The following RIT2 variants were observed in gnomAD, a reference collection of about 807,000 sequenced individuals.
RIT2 encodes Ras like without CAAX 2, also known as GTP-binding protein Rit2.
In RIT2, 24 loss-of-function variants were observed where a neutral mutation model predicts 23.7. That is an observed-to-expected ratio of 1.01 (90% CI 0.73 to 1.43). RIT2 has a LOEUF of 1.43. Among genes scored for constraint, RIT2 ranks in the 40% most tolerant of loss-of-function variants. The pLI, the probability that RIT2 is intolerant of heterozygous loss-of-function variation, is 0.00. For missense variants in RIT2, 236 were observed against 266.9 expected, an observed-to-expected ratio of 0.88 and a Z score of 0.81; for synonymous variants, 107 against 91.1, an observed-to-expected ratio of 1.17 and a Z score of -0.99.
intron 1 of RIT2, among the ~76,000 whole-genome samples, chr18:43,091,585 T>C (rs1226881731): frequency 6.6e-6 from 1 of 152,100 alleles, no homozygotes; most frequent in Non-Finnish European, 1.5e-5. Flanking sequence ...TGGCTGGGCC[T>C]GCAAGGCTGA....
intron 1 of RIT2, among the ~76,000 whole-genome samples, chr18:43,104,814 C>T (rs910574272): frequency 2.6e-5 from 4 of 152,080 alleles, no homozygotes; most frequent in African/African-American, 9.7e-5. Context: ...CTGATTTCTT[C>T]AATTAAACAA....
intron 4 of RIT2, among the ~76,000 whole-genome samples, chr18:42,761,479 T>C (rs1913301596): frequency 2.6e-5 from 4 of 152,188 alleles, no homozygotes; most frequent in Non-Finnish European, 1.5e-5. Flanking sequence ...TCTCTATGTC[T>C]CTTACAAGTA....
intron 4 of RIT2, among the ~76,000 whole-genome samples, chr18:42,912,641 T>C (rs576526799): frequency 1.3e-5 from 2 of 152,018 alleles, no homozygotes; most frequent in African/African-American, 2.4e-5. Flanking sequence ...TAAGAAATAA[T>C]TGGAAACAGA....
intron 3 of RIT2, among the ~76,000 whole-genome samples, chr18:42,955,019 A>T (rs1909939794): frequency 6.6e-6 from 1 of 152,152 alleles, no homozygotes; most frequent in South Asian, 2.1e-4. Flanking sequence ...GGTCAGGAGG[A>T]CACACTGGTG....
chr18:43,074,786 T>C (rs1912973578), intron 1 of RIT2, among the ~76,000 whole-genome samples: 1 of 152,130 alleles, frequency 6.6e-6, no homozygotes, highest in African/African-American at 2.4e-5. Flanking sequence ...CTCAGCAAAC[T>C]AATGCAGGAA....
chr18:42,860,585 C>T (rs1249597887), intron 4 of RIT2, among the ~76,000 whole-genome samples: 1 of 152,136 alleles, frequency 6.6e-6, no homozygotes, highest in Non-Finnish European at 1.5e-5. Context: ...TTCTTTTGAT[C>T]TCCAATTAGG....
At chr18:42,837,153 C>CTCTTTTTT (rs1906630342) in intron 4 of RIT2, among the ~76,000 whole-genome samples, 1 of 51,682 alleles carries the variant, frequency 1.9e-5, no homozygotes, top group Admixed American at 3.7e-4. Context: ...TTTTCTTTTT[C>CTCTTTTTT]TTTTTTTTTT....
At chr18:43,109,394 T>C (rs1475315343) in intron 1 of RIT2, among the ~76,000 whole-genome samples, 5 of 152,216 alleles carry the variant, frequency 3.3e-5, no homozygotes, top group African/African-American at 1.2e-4. Context: ...AAAAGATATT[T>C]TTTCAACTAC....
chr18:42,956,015 C>G (rs1030778080), intron 3 of RIT2, among the ~76,000 whole-genome samples: 1 of 152,122 alleles, frequency 6.6e-6, no homozygotes, highest in African/African-American at 2.4e-5. Context: ...TTTATCACCT[C>G]GGGGTGCTTA....
rs1367858052 is a variant in RIT2, at chr18:42,982,264, T to C, written c.161-8117A>G. 2.0e-5 allele frequency among the ~76,000 whole-genome samples: 3 copies of C among 152,088 alleles called. No homozygotes were observed. In the South Asian group the frequency reaches 6.2e-4, roughly 31 times the overall value. Reference sequence around the variant, plus strand: ...GAAGTCCAGCGCAGCAGAGGAAAAGTCTGTCTCAGCTCTCAGAGAAAGATC... The same window carrying C: ...GAAGTCCAGCGCAGCAGAGGAAAAGCCTGTCTCAGCTCTCAGAGAAAGATC... On this transcript the variant is annotated intron_variant, in intron 2 of 4. Transcript: ENST00000326695.
intron 4 of RIT2, among the ~76,000 whole-genome samples, chr18:42,867,307 G>A (rs1907498070): frequency 6.6e-6 from 1 of 152,106 alleles, no homozygotes. Context: ...CCCTAGTCCT[G>A]TATTCCTGAT....
intron 4 of RIT2, among the ~76,000 whole-genome samples, chr18:42,785,838 T>A (rs568538226): frequency 4.3e-4 from 65 of 152,238 alleles, no homozygotes; most frequent in Middle Eastern, 3.4e-3. Context: ...GTGACCACAC[T>A]CATCAGAGAA....
At chr18:42,977,275 T>G (rs1022430530) in intron 2 of RIT2, among the ~76,000 whole-genome samples, 2 of 151,346 alleles carry the variant, frequency 1.3e-5, no homozygotes, top group African/African-American at 4.9e-5. Context: ...TTACACATTA[T>G]CTGTAAAACA....
At chr18:42,880,876 C>T (rs570830573) in intron 4 of RIT2, among the ~76,000 whole-genome samples, 4 of 143,774 alleles carry the variant, frequency 2.8e-5, no homozygotes, top group African/African-American at 5.2e-5. Context: ...GGCATGATCT[C>T]GGCTCACTGC....
chr18:43,071,292 C>T (rs1912890721), intron 1 of RIT2, among the ~76,000 whole-genome samples: 1 of 152,134 alleles, frequency 6.6e-6, no homozygotes, highest in South Asian at 2.1e-4. Flanking sequence ...TTGCTAGAAT[C>T]CGATGCTTTT....
At chr18:43,079,306 G>T (rs981859632) in intron 1 of RIT2, among the ~76,000 whole-genome samples, 1 of 151,990 alleles carries the variant, frequency 6.6e-6, no homozygotes, top group African/African-American at 2.4e-5. Context: ...TTTTGGTTTT[G>T]TACTAATAAG....
At chr18:42,918,357 A>G (rs2144127156) in intron 4 of RIT2, among the ~76,000 whole-genome samples, 2 of 152,282 alleles carry the variant, frequency 1.3e-5, no homozygotes, top group Non-Finnish European at 2.9e-5. Flanking sequence ...ATTGGAGTTA[A>G]TACATTCACA....
chr18:43,102,747 G>A (rs1320363924), intron 1 of RIT2, among the ~76,000 whole-genome samples: 3 of 151,790 alleles, frequency 2.0e-5, no homozygotes, highest in African/African-American at 7.3e-5. Context: ...TTCGCCTCCC[G>A]GGTTCAAGCG....
intron 4 of RIT2, among the ~76,000 whole-genome samples, chr18:42,751,771 T>C (rs1407408735): frequency 6.6e-6 from 1 of 151,990 alleles, no homozygotes; most frequent in Non-Finnish European, 1.5e-5. Context: ...AATTTTCACA[T>C]TTGCTATAAT....
Sources: gnomAD v4.1 joint callset for allele counts (sites outside exome capture counted in the v4.1 genomes callset) on GRCh38, gnomAD v4.1.1 for gene constraint, MANE v1.5 for transcripts, NCBI Gene and HGNC (gene_info 2026-07-23, HGNC 2026-07-21) for gene names.